Variants in CFAP43 observed in about 807,000 individuals in gnomAD.
CFAP43 encodes cilia- and flagella-associated protein 43.
A neutral mutation model predicts 218.9 loss-of-function variants in CFAP43; 155 were observed. The ratio of observed to expected loss-of-function variants is 0.71; its 90% CI spans 0.62 to 0.81. CFAP43 has a LOEUF of 0.81. Among genes scored for constraint, CFAP43 ranks in the 30% least tolerant of loss-of-function variants. The pLI is 0.00. For missense variants in CFAP43, 1,778 were observed against 1,954.3 expected (o/e 0.91, Z 1.70); for synonymous variants, 645 against 681.3 (o/e 0.95, Z 0.83).
intron 30 of CFAP43, 45 bp from the exon 31 acceptor site, chr10:104,145,609 A>G (rs2134758569): frequency 7.4e-7 from 1 of 1,343,802 alleles, no homozygotes; most frequent in South Asian, 1.3e-5. Context: ...TGGTTTGGAA[A>G]CCTTTTATTT....
At chr10:104,213,475 T>C (rs1341396481) in intron 4 of CFAP43, among the ~76,000 whole-genome samples, 6 of 152,128 alleles carry the variant, frequency 3.9e-5, no homozygotes, top group Non-Finnish European at 1.5e-5. Flanking sequence ...AACAGGTAAC[T>C]CCCATGGCTC....
chr10:104,146,373 G>C, intron 29 of CFAP43, 24 bp from the exon 30 acceptor site: 3 of 1,588,874 alleles, frequency 1.9e-6, no homozygotes, highest in Non-Finnish European at 2.6e-6. Flanking sequence ...AGGAATAGTT[G>C]ATTGAAACTG....
intron 17 of CFAP43, among the ~76,000 whole-genome samples, chr10:104,180,810 C>T (rs1472726667): frequency 1.3e-5 from 2 of 152,076 alleles, no homozygotes; most frequent in African/African-American, 4.8e-5. Context: ...GTTTGGGATG[C>T]CATGTTCTCC....
chr10:104,168,852 G>C lies in CFAP43; in HGVS notation c.2587-4C>G, dbSNP rs771500724. 3.9e-5 allele frequency: 63 copies of C among 1,596,180 alleles called. No individual in the cohort carries two copies. The highest frequency in any genetic ancestry group is 5.1e-5 in the Non-Finnish European group (59 of 1,165,014). On this transcript the variant is annotated splice_region_variant and splice_polypyrimidine_tract_variant and intron_variant, in intron 20 of 37. Transcript: ENST00000357060. ...GCATCTCTACATCCTTTATCATCTT[G>C]AAGAACACAGACAAAGGGAAAAGAT...
Position 104,143,404 on chromosome 10 carries a change from ATTAAG to A in CFAP43, c.4158+17_4158+21del, listed in dbSNP as rs768547096. ...TTGATATTAGTACACTAAAAATTAA[ATTAAG>A]TTAAAATAGTATATACTTTCTGTTC... On this transcript the variant is annotated intron_variant, in intron 32 of 37. Transcript: ENST00000357060. The A allele has an allele frequency of 3.1e-5, 50 of 1,589,814 alleles. 2 individuals carry two copies. The South Asian group carries it at 4.1e-4, about 13-fold the overall frequency.
chr10:104,135,574 T>G (rs2087403160), intron 34 of CFAP43, among the ~76,000 whole-genome samples: 1 of 152,178 alleles, frequency 6.6e-6, no homozygotes, highest in Admixed American at 6.5e-5. Flanking sequence ...AGTTATATTT[T>G]TATACATCAC....
In CFAP43 at chr10:104,143,431, G is replaced by T; in HGVS notation, c.4153C>A (p.Gln1385Lys). ...MTRRAKVENE[Q>K]KVKQKAADLL... The stretch of plus-strand genomic sequence containing the variant: ...TAAGTTAAAATAGTATATACTTTCT[G>T]TTCATTTTCCACTTTTGCTCGTCTT... Residue 1385 changes from glutamine to lysine, a missense_variant, in exon 32 of 38, where the codon CAG (glutamine) becomes AAG (lysine). Gln to Lys is a moderately conservative substitution (Grantham distance 53). Coordinates refer to ENST00000357060, the MANE Select transcript of CFAP43 (RefSeq NM_025145.7). 6.2e-7 allele frequency: 1 copy of T among 1,613,478 alleles called. No homozygotes were observed. Among genetic ancestry groups the T allele is most frequent in the Non-Finnish European group, 8.5e-7 (1 of 1,179,670 alleles).
chr10:104,203,683 G>A lies in CFAP43; in HGVS notation c.1084C>T (p.Gln362Ter), dbSNP rs1460305079. 1 of 1,601,344 alleles carries A rather than the reference G, an allele frequency of 6.2e-7. No homozygotes were observed. The highest frequency in any genetic ancestry group is 8.5e-7 in the Non-Finnish European group (1 of 1,175,528). ...ACCATCCAACATACCTTGTCTGTTT[G>A]AATCAGCAACACTGTATAATTGGGA... Reference protein sequence around the residue: ...FSPNYTVLLIQTDKGSVYIYT... With the variant: ...FSPNYTVLLI The change falls in exon 8 of 38, where the codon CAA becomes TAA. Residue 362 changes from glutamine to a stop codon, truncating the protein, a stop_gained. Coordinates refer to ENST00000357060, the MANE Select transcript of CFAP43 (RefSeq NM_025145.7). LOFTEE classifies it high-confidence loss of function.
chr10:104,152,524 TAAGG>T (rs1157428646), intron 28 of CFAP43, 79 bp downstream of exon 28: 80 of 1,575,148 alleles, frequency 5.1e-5, no homozygotes, highest in Non-Finnish European at 6.7e-5. Flanking sequence ...TAGTACCTGG[TAAGG>T]ATGTTGATCT....
At chr10:104,155,143 T>G (rs955438735) in intron 27 of CFAP43, among the ~76,000 whole-genome samples, 1 of 152,258 alleles carries the variant, frequency 6.6e-6, no homozygotes, top group Admixed American at 6.5e-5. Context: ...TTGTCTCATC[T>G]TGGGGTGAGG....
rs370332440 is a variant in CFAP43 at position 104,222,557 on chromosome 10, A to G, written c.416+2904T>C. On this transcript the variant is annotated intron_variant, in intron 3 of 37. Transcript: ENST00000357060. ...GAGAGAGCAGTGTCTGGTCCTCTGC[A>G]CAGCATCTACCCTGTCCTCCCCTGC... Among the ~76,000 whole-genome samples the G allele has an allele frequency of 1.3e-3, 195 of 152,298 alleles. 4 individuals are homozygous for G. Among genetic ancestry groups the G allele is most frequent in the African/African-American group, 4.5e-3 (187 of 41,566 alleles).
At chr10:104,209,451 G>C (rs1039461623) in intron 5 of CFAP43, among the ~76,000 whole-genome samples, 1 of 151,984 alleles carries the variant, frequency 6.6e-6, no homozygotes, top group African/African-American at 2.4e-5. Context: ...AACTGCAGGC[G>C]TACCCCTTAA....
chr10:104,160,826 TA>T (rs1404996804), intron 27 of CFAP43, among the ~76,000 whole-genome samples: 1 of 152,180 alleles, frequency 6.6e-6, no homozygotes, highest in Non-Finnish European at 1.5e-5. Flanking sequence ...ATAACAGCTT[TA>T]AAAAAACTAT....
chr10:104,180,250 T>C (rs963654364), intron 17 of CFAP43, among the ~76,000 whole-genome samples: 1 of 152,176 alleles, frequency 6.6e-6, no homozygotes, highest in Non-Finnish European at 1.5e-5. Context: ...CATCTATGCT[T>C]AGGATCTTTT....
In CFAP43 at chr10:104,227,835, C is replaced by CTTTTTTTT. The variant is rs776193577; in HGVS notation, c.320-2286_320-2279dup. Among the ~76,000 whole-genome samples the CTTTTTTTT allele has an allele frequency of 3.4e-4, 20 of 58,370 alleles. 3 individuals carry two copies. Among genetic ancestry groups the CTTTTTTTT allele is most frequent in the East Asian group, 5.1e-4 (1 of 1,954 alleles). 38.3% of individuals were successfully genotyped at this position (58,370 alleles called of 152,430 possible). ...CTCCTCTATTCTACCATGTTTTCTA[C>CTTTTTTTT]TTTTTTTTTTTTTTTTTTTTTTTTT... On this transcript the variant is annotated intron_variant, in intron 2 of 37. Transcript: ENST00000357060.
intron 3 of CFAP43, among the ~76,000 whole-genome samples, chr10:104,216,090 C>G (rs1262883197): frequency 6.6e-6 from 1 of 152,216 alleles, no homozygotes; most frequent in East Asian, 1.9e-4. Context: ...TCTCTCCCCT[C>G]TCCTCAGAGT....
intron 3 of CFAP43, among the ~76,000 whole-genome samples, chr10:104,218,258 G>C (rs2091073694): frequency 6.8e-6 from 1 of 147,666 alleles, no homozygotes; most frequent in African/African-American, 2.5e-5. Context: ...TGAGGCAGGA[G>C]AATGGCGTGA....
Position 104,164,212 on chromosome 10 carries a change from T to C in CFAP43, c.3128A>G (p.Glu1043Gly). 6.2e-7 allele frequency: 1 copy of C among 1,614,104 alleles called. No individual in the cohort carries two copies. The highest frequency in any genetic ancestry group is 2.2e-5 in the East Asian group (1 of 44,886). ...AATTTCTCGAATTCGAACATTTCTT[T>C]CCTTCACGCGTGCAATTTCAAACTC... Reference protein sequence around the residue: ...QKEFEIARVKERNVRIREIIL... With the variant: ...QKEFEIARVKGRNVRIREIIL... Residue 1043 changes from glutamate to glycine, a missense_variant, in exon 24 of 38, where the codon GAA (glutamate) becomes GGA (glycine). Glu to Gly is a moderately conservative substitution (Grantham distance 98, BLOSUM62 -2). Transcript: ENST00000357060.
chr10:104,164,405 T>TTA (rs1381317598), intron 23 of CFAP43, 105 bp from the exon 24 acceptor site: 1 of 1,015,672 alleles, frequency 9.8e-7, no homozygotes, highest in African/African-American at 1.7e-5. Flanking sequence ...ACAAATTTTT[T>TTA]TTTTTTTTTT....
Sources: gnomAD v4.1 joint callset for allele counts (sites outside exome capture counted in the v4.1 genomes callset) on GRCh38, gnomAD v4.1.1 for gene constraint, MANE v1.5 for transcripts, NCBI Gene and HGNC (gene_info 2026-07-23, HGNC 2026-07-21) for gene names.